PHC2: variants seen among roughly 807,000 people sequenced by gnomAD.
PHC2 encodes the protein polyhomeotic-like protein 2.
In PHC2, 29 loss-of-function variants were observed where a neutral mutation model predicts 87.4. The ratio of observed to expected loss-of-function variants is 0.33; its 90% confidence interval spans 0.25 to 0.45. The LOEUF is 0.45. PHC2 is among the 20% of genes least tolerant of loss of function. The probability of loss-of-function intolerance (pLI) is 1.00; values close to 1 mark genes in which losing one functional copy is unlikely to be tolerated. For synonymous variants in PHC2, 438 were observed against 461.7 expected (o/e 0.95, Z 0.66); for missense variants, 857 against 1,136.7 (o/e 0.75, Z 3.54).
At chr1:33,425,355 C>T (rs1650624878) in intron 1 of PHC2, among the ~76,000 whole-genome samples, 1 of 152,184 alleles carries the variant, frequency 6.6e-6, no homozygotes, top group South Asian at 2.1e-4. Flanking sequence ...GGATACTTTG[C>T]AATATACCTA....
rs1647739967 is a variant in PHC2, at chr1:33,370,275, C to T, written c.576+146G>A. ...TGTACCAAAGCTCCCACTCAGCCTTCCAGGCCCCCTTCTTTATCCCACCCC... is the reference window on the plus strand; with the variant it reads ...TGTACCAAAGCTCCCACTCAGCCTTTCAGGCCCCCTTCTTTATCCCACCCC... On this transcript the variant is annotated intron_variant, in intron 5 of 14. Coordinates refer to ENST00000683057, the MANE Select transcript of PHC2 (RefSeq NM_001385109.1). 6.9e-6 allele frequency: 5 copies of T among 722,350 alleles called. 1 individual carries two copies. The East Asian group carries it at 1.4e-4, about 20-fold the overall frequency. The allele number at this position is 722,350 out of a possible 1,614,324, so 44.7% of individuals were successfully genotyped here.
chr1:33,367,669 A>G (rs554097830), intron 6 of PHC2, among the ~76,000 whole-genome samples: 3 of 152,140 alleles, frequency 2.0e-5, no homozygotes, highest in Admixed American at 6.5e-5. Flanking sequence ...TCTGAGAAGG[A>G]CCTGCTGCCC....
rs367665805 is a variant in PHC2, at chr1:33,367,068, C to T, written c.976+48G>A. 1.3e-4 allele frequency: 193 copies of T among 1,491,758 alleles called. 1 individual carries two copies. In the South Asian group the frequency reaches 1.5e-3, roughly 11 times the overall value. 92.4% of individuals were successfully genotyped at this position (1,491,758 alleles called of 1,614,324 possible). On this transcript the variant is annotated intron_variant, in intron 7 of 14. Coordinates refer to ENST00000683057, the MANE Select transcript of PHC2 (RefSeq NM_001385109.1). ...AGTGTGAAAGTCTCCTCCTGACTCACGGCCCTGAGTTTTCTGGGAAAGGAT... is the reference window on the plus strand; with the variant it reads ...AGTGTGAAAGTCTCCTCCTGACTCATGGCCCTGAGTTTTCTGGGAAAGGAT...
rs74334329 is a variant in PHC2, at chr1:33,354,201, C to G, written c.1558+200G>C. Among the ~76,000 whole-genome samples, 605 of 152,316 alleles carry G rather than the reference C, an allele frequency of 4.0e-3. 5 individuals carry two copies. Among genetic ancestry groups the G allele is most frequent in the African/African-American group, 0.014 (571 of 41,562 alleles). ...AACTTTCACCTCTTCTGTCTCCACC[C>G]TCTTGCTCTAATATCTTCCGTGTCT... is the stretch of plus-strand genomic sequence containing the variant. On this transcript the variant is annotated intron_variant, in intron 9 of 14. Transcript: ENST00000683057.
intron 1 of PHC2, among the ~76,000 whole-genome samples, chr1:33,407,587 A>C (rs528801981): frequency 1.3e-5 from 2 of 152,228 alleles, no homozygotes; most frequent in Admixed American, 1.3e-4. Context: ...TCCTGGATTA[A>C]ACAGGGAGGT....
chr1:33,388,505 A>T (rs917907632), intron 1 of PHC2, among the ~76,000 whole-genome samples: 4 of 151,860 alleles, frequency 2.6e-5, no homozygotes, highest in Non-Finnish European at 5.9e-5. Context: ...TTGTATTTTT[A>T]GTAGAGACAG....
intron 1 of PHC2, among the ~76,000 whole-genome samples, chr1:33,415,919 T>C (rs1377025940): frequency 6.6e-6 from 1 of 152,096 alleles, no homozygotes; most frequent in East Asian, 1.9e-4. Flanking sequence ...GAAGTAAAGA[T>C]CAGTGAACTT....
chr1:33,343,875 C>G (rs544258519), intron 9 of PHC2, among the ~76,000 whole-genome samples: 2 of 152,320 alleles, frequency 1.3e-5, no homozygotes, highest in African/African-American at 4.8e-5. Context: ...GTTACCTCCA[C>G]TGTGACTGCA....
At chr1:33,344,274 T>A (rs928283417) in intron 9 of PHC2, among the ~76,000 whole-genome samples, 2 of 152,242 alleles carry the variant, frequency 1.3e-5, no homozygotes, top group South Asian at 2.1e-4. Context: ...ATTTTCAGGT[T>A]GATAACAGGG....
intron 1 of PHC2, among the ~76,000 whole-genome samples, chr1:33,387,352 G>A (rs1030615546): frequency 1.3e-5 from 2 of 152,184 alleles, no homozygotes; most frequent in Non-Finnish European, 2.9e-5. Context: ...CTCCCTTGGA[G>A]TTTCCCTTTA....
chr1:33,355,006 C>T lies in PHC2; in HGVS notation c.1224G>A (p.Gln408=). 1 of 1,614,136 alleles carries T rather than the reference C, an allele frequency of 6.2e-7. No homozygotes were observed. Among genetic ancestry groups the T allele is most frequent in the Non-Finnish European group, 8.5e-7 (1 of 1,180,036 alleles). ...LGPVTPALPL[Q]CPTANLHKPG... ...GCTTGTGCAGGTTGGCAGTGGGACACTGGAGTGGCAGGGCGGGTGTAACCG... is the reference window on the plus strand; with the variant it reads ...GCTTGTGCAGGTTGGCAGTGGGACATTGGAGTGGCAGGGCGGGTGTAACCG... The change falls in exon 8 of 15, where the codon CAG becomes CAA. Residue 408 remains glutamine, a synonymous_variant. Coordinates refer to ENST00000683057, the MANE Select transcript of PHC2 (RefSeq NM_001385109.1).
At position 33,355,115 on chromosome 1, in the gene PHC2, G is replaced by A; in HGVS notation, c.1115C>T (p.Ala372Val). The A allele has an allele frequency of 1.9e-6, 3 of 1,611,412 alleles. No individual in the cohort carries two copies. Among genetic ancestry groups the A allele is most frequent in the Middle Eastern group, 1.7e-4 (1 of 5,842 alleles). ...PPQQSRPVLQ[A>V]EPHPQLASVS... ...TGAGGCGAGCTGGGGGTGGGGCTCA[G>A]CTTGGAGCACAGGCCGTGACTGCTG... Residue 372 changes from alanine to valine, a missense_variant, in exon 8 of 15, where the codon GCT (alanine) becomes GTT (valine). Coordinates refer to ENST00000683057, the MANE Select transcript of PHC2 (RefSeq NM_001385109.1).
intron 9 of PHC2, among the ~76,000 whole-genome samples, chr1:33,352,975 C>T (rs1030253115): frequency 6.6e-6 from 1 of 152,136 alleles, no homozygotes; most frequent in African/African-American, 2.4e-5. Context: ...ACTAAGTGTT[C>T]AACAAATTTT....
At chr1:33,429,085 T>A (rs1650799168) in intron 1 of PHC2, among the ~76,000 whole-genome samples, 1 of 152,236 alleles carries the variant, frequency 6.6e-6, no homozygotes, top group South Asian at 2.1e-4. Flanking sequence ...TTTGTATGAT[T>A]TAGATTTGCC....
In PHC2 at chr1:33,331,210, ATCCTGCTTCCAGGTGGGTC is replaced by A; in HGVS notation, c.2006+119_2006+137del. ...TCGTGCTTGTTGAATTAGGGATGCC[ATCCTGCTTCCAGGTGGGTC>A]GAGGAACTAGGAAACTGGAGAAGCC... On this transcript the variant is annotated intron_variant, in intron 12 of 14. Transcript: ENST00000683057. The surrounding 1 kb of genome is among the most constrained non-coding windows in gnomAD (Gnocchi z 5.2). 2.0e-6 allele frequency: 1 copy of A among 505,226 alleles called. No individual in the cohort carries two copies. Among genetic ancestry groups the A allele is most frequent in the Non-Finnish European group, 3.5e-6 (1 of 283,202 alleles). 31.3% of individuals were successfully genotyped at this position (505,226 alleles called of 1,614,324 possible). A position where few individuals can be genotyped will look rare whatever the true frequency, so the allele number is the denominator to read the frequency against.
chr1:33,396,389 G>T (rs114437762), intron 1 of PHC2, among the ~76,000 whole-genome samples: 1,754 of 152,260 alleles, frequency 0.012, 33 homozygotes, highest in African/African-American at 0.04. Context: ...AAATAATGCA[G>T]TCAAGTGCAA....
Position 33,331,113 on chromosome 1 carries a change from G to A in PHC2, c.2006+235C>T, listed in dbSNP as rs1054255514. 1.3e-5 allele frequency among the ~76,000 whole-genome samples: 2 copies of A among 152,182 alleles called. No homozygotes were observed. The highest frequency in any genetic ancestry group is 4.8e-5 in the African/African-American group (2 of 41,442). On this transcript the variant is annotated intron_variant, in intron 12 of 14. Transcript: ENST00000683057. This position sits in a 1 kb window ranked among gnomAD's most constrained non-coding sequence, Gnocchi z 5.2. ...CCAGTGGAGCCCAGGAGGGCCAGCC[G>A]AGCCAAAGCACTGCGGCTTTTCCTT...
chr1:33,367,326 G>A lies in PHC2; in HGVS notation c.766C>T (p.Pro256Ser), dbSNP rs940831988. Residue 256 changes from proline to serine, a missense_variant, in exon 7 of 15, where the codon CCG (proline) becomes TCG (serine). Physicochemically the swap from Pro to Ser is moderately conservative, Grantham distance 74. Coordinates refer to ENST00000683057, the MANE Select transcript of PHC2 (RefSeq NM_001385109.1). ...VLPSLALKPT[P>S]GGSQPLPTPA... ...GTAGGCAGAGGCTGGCTACCGCCCG[G>A]CGTGGGTTTCAGGGCCAAGCTGGGC... 9 of 1,612,986 alleles carry A rather than the reference G, an allele frequency of 5.6e-6. No homozygotes were observed. Among genetic ancestry groups the A allele is most frequent in the Middle Eastern group, 1.7e-4 (1 of 5,992 alleles).
At chr1:33,383,796 G>A (rs55658342) in intron 1 of PHC2, among the ~76,000 whole-genome samples, 14,886 of 152,152 alleles carry the variant, frequency 0.098, 1,032 homozygotes, top group East Asian at 0.28. Context: ...AGGCACACAC[G>A]GGGAGAAGCC....
Sources: allele counts gnomAD v4.1 joint callset (sites outside exome capture counted in the v4.1 genomes callset), GRCh38; gene constraint gnomAD v4.1.1; non-coding constraint Gnocchi (gnomAD v3.1); transcripts MANE v1.5; gene names NCBI Gene and HGNC (gene_info 2026-07-23, HGNC 2026-07-21).